The following GNAO1 variants were observed in gnomAD, a reference collection of about 807,000 sequenced individuals.
GNAO1 encodes the protein G protein subunit alpha o1, also known as guanine nucleotide-binding protein G(o) subunit alpha.
For synonymous variants in GNAO1, 164 were observed against 180.7 expected (o/e 0.91, Z 0.74); for missense variants, 166 against 478.7 (o/e 0.35, Z 6.10).
intron 3 of GNAO1, among the ~76,000 whole-genome samples, chr16:56,291,036 G>C (rs1343229142): frequency 6.6e-6 from 1 of 152,150 alleles, no homozygotes; most frequent in Non-Finnish European, 1.5e-5. Flanking sequence ...CATTGAGGTT[G>C]TTTCCACCTT....
chr16:56,317,150 T>A (rs2037519773), intron 3 of GNAO1, among the ~76,000 whole-genome samples: 1 of 152,222 alleles, frequency 6.6e-6, no homozygotes, highest in South Asian at 2.1e-4. Flanking sequence ...ACAGGAGACA[T>A]CCTGGGTCCA....
intron 6 of GNAO1, chr16:56,347,631 C>T (rs1054903909): frequency 5.2e-6 from 5 of 962,572 alleles, no homozygotes; most frequent in East Asian, 2.5e-4. Flanking sequence ...AGGGGCTCCC[C>T]CTGGAACAGA....
chr16:56,265,376 C>T (rs186413172), intron 2 of GNAO1, among the ~76,000 whole-genome samples: 1 of 152,230 alleles, frequency 6.6e-6, no homozygotes, highest in Non-Finnish European at 1.5e-5. Context: ...AGAAGGCAGG[C>T]CTGGCCATGC....
intron 3 of GNAO1, among the ~76,000 whole-genome samples, chr16:56,290,047 C>A (rs553083529): frequency 6.6e-6 from 1 of 152,204 alleles, no homozygotes; most frequent in Non-Finnish European, 1.5e-5. Flanking sequence ...TCCTGTAGCT[C>A]CTGCCACAGG....
intron 2 of GNAO1, among the ~76,000 whole-genome samples, chr16:56,275,643 G>A (rs1415426068): frequency 1.3e-5 from 2 of 152,130 alleles, no homozygotes; most frequent in Non-Finnish European, 1.5e-5. Context: ...CTTAATGTAT[G>A]CCCTTCCTGT....
Position 56,316,569 on chromosome 16 carries a change from C to T in GNAO1, c.304-12062C>T, listed in dbSNP as rs1250897650. Among the ~76,000 whole-genome samples the T allele has an allele frequency of 2.0e-5, 3 of 152,208 alleles. No individual in the cohort carries two copies. The East Asian group carries it at 5.8e-4, about 29-fold the overall frequency. On this transcript the variant is annotated intron_variant, in intron 3 of 8. Coordinates refer to ENST00000262493, the MANE Select transcript of GNAO1 (RefSeq NM_020988.3). Reference sequence around the variant, plus strand: ...TGCCCGTCAAGGCCCTCAGTGTTGCCTGGGTCTCGCCTCACCTCTCTTTAA... The same window carrying T: ...TGCCCGTCAAGGCCCTCAGTGTTGCTTGGGTCTCGCCTCACCTCTCTTTAA...
At chr16:56,345,298 C>T in intron 6 of GNAO1, 2 of 985,558 alleles carry the variant, frequency 2.0e-6, no homozygotes, top group Non-Finnish European at 2.4e-6. Flanking sequence ...CTAGATGTGC[C>T]ATGGGAGGGA....
chr16:56,343,062 C>T (rs1416298282), intron 6 of GNAO1, among the ~76,000 whole-genome samples: 3 of 151,296 alleles, frequency 2.0e-5, no homozygotes, highest in South Asian at 2.1e-4. Flanking sequence ...CACACCACTG[C>T]ACTCCAGCCT....
At chr16:56,300,451 C>T (rs1000425910) in intron 3 of GNAO1, among the ~76,000 whole-genome samples, 3 of 152,204 alleles carry the variant, frequency 2.0e-5, no homozygotes, top group Admixed American at 6.5e-5. Flanking sequence ...GACTGGTCAC[C>T]GTGCTCCAGG....
At chr16:56,232,385 G>A (rs1322610565) in intron 2 of GNAO1, among the ~76,000 whole-genome samples, 1 of 152,092 alleles carries the variant, frequency 6.6e-6, no homozygotes, top group Admixed American at 6.5e-5. Flanking sequence ...TTTGGAATTC[G>A]GTTCTGTGAG....
rs2037632702 is a variant in GNAO1 at position 56,326,400 on chromosome 16, A to G, written c.304-2231A>G. ...GTATGTCTGGTGCCTGGGCTGAGAC[A>G]GGGGCTTGCTGTCCTCAAGACAGCT... On this transcript the variant is annotated intron_variant, in intron 3 of 8. Coordinates refer to ENST00000262493, the MANE Select transcript of GNAO1 (RefSeq NM_020988.3). The surrounding 1 kb of genome is among the most constrained non-coding windows in gnomAD (Gnocchi z 4.8). Among the ~76,000 whole-genome samples, 10 of 150,436 alleles carry G rather than the reference A, an allele frequency of 6.6e-5. No homozygotes were observed. In the South Asian group the frequency reaches 2.1e-3, roughly 31 times the overall value.
chr16:56,302,127 C>T (rs1468170224), intron 3 of GNAO1: 2 of 152,540 alleles, frequency 1.3e-5, no homozygotes, highest in Non-Finnish European at 2.9e-5. Flanking sequence ...ACCCTCTCCC[C>T]ACTTGTGTGC....
chr16:56,201,978 A>C (rs2036285590), intron 2 of GNAO1, among the ~76,000 whole-genome samples: 1 of 152,196 alleles, frequency 6.6e-6, no homozygotes, highest in Non-Finnish European at 1.5e-5. Flanking sequence ...GAGCCATAGA[A>C]GTTGGTAACC....
chr16:56,288,876 G>A (rs1029238367), intron 3 of GNAO1, among the ~76,000 whole-genome samples: 2 of 152,194 alleles, frequency 1.3e-5, no homozygotes, highest in African/African-American at 2.4e-5. Flanking sequence ...ACCCTACAGG[G>A]TCTCCATTTT....
At chr16:56,348,413 C>G (rs1255169959) in intron 6 of GNAO1, among the ~76,000 whole-genome samples, 4 of 152,192 alleles carry the variant, frequency 2.6e-5, no homozygotes, top group Non-Finnish European at 4.4e-5. Flanking sequence ...CGTTCTGCGC[C>G]GAGCCACCTT....
intron 2 of GNAO1, chr16:56,270,543 T>C (rs2037006843): frequency 6.6e-6 from 1 of 152,172 alleles, no homozygotes; most frequent in African/African-American, 2.4e-5. Context: ...CATGTAGTTA[T>C]GTCCCACTTT....
chr16:56,267,181 C>T (rs1318608974), intron 2 of GNAO1, among the ~76,000 whole-genome samples: 1 of 152,210 alleles, frequency 6.6e-6, no homozygotes, highest in Non-Finnish European at 1.5e-5. Context: ...GCTCTCTCTC[C>T]CCGTTCCCCT....
At chr16:56,348,414 G>A (rs181698757) in intron 6 of GNAO1, among the ~76,000 whole-genome samples, 8 of 152,288 alleles carry the variant, frequency 5.3e-5, no homozygotes, top group African/African-American at 1.7e-4. Context: ...GTTCTGCGCC[G>A]AGCCACCTTC....
At chr16:56,308,930 A>G (rs1041893270) in intron 3 of GNAO1, among the ~76,000 whole-genome samples, 1 of 151,860 alleles carries the variant, frequency 6.6e-6, no homozygotes, top group Non-Finnish European at 1.5e-5. Context: ...CCACCTTTTC[A>G]TCAGGTCAAG....
Sources: gnomAD v4.1 joint callset for allele counts (sites outside exome capture counted in the v4.1 genomes callset) on GRCh38, gnomAD v4.1.1 for gene constraint, Gnocchi (gnomAD v3.1) non-coding constraint, MANE v1.5 for transcripts, NCBI Gene and HGNC (gene_info 2026-07-23, HGNC 2026-07-21) for gene names.